GPC6: variants seen among roughly 807,000 people sequenced by gnomAD.
GPC6 encodes glypican-6.
GPC6 carries 14 observed loss-of-function variants against 55.2 expected under a neutral mutation model. That is an observed-to-expected ratio of 0.25 (90% confidence interval 0.17 to 0.40). GPC6 has a LOEUF of 0.40. Among genes scored for constraint, GPC6 ranks in the 10% least tolerant of loss-of-function variants. The pLI is 1.00. For missense variants in GPC6, 641 were observed against 708.5 expected, an observed-to-expected ratio of 0.90 and a Z score of 1.08; for synonymous variants, 278 against 259.6, an observed-to-expected ratio of 1.07 and a Z score of -0.68.
In GPC6 at chr13:93,786,570, A is replaced by G. The variant is rs550868265; in HGVS notation, c.320-43584A>G. On this transcript the variant is annotated intron_variant, in intron 2 of 8. Coordinates refer to ENST00000377047, the MANE Select transcript of GPC6 (RefSeq NM_005708.5). Reference sequence around the variant, plus strand: ...TATACATGGCCAGCCAGTCAGCTGTAAAATTTCCAGTTGAAAAAAAAAAAA... The same window carrying G: ...TATACATGGCCAGCCAGTCAGCTGTGAAATTTCCAGTTGAAAAAAAAAAAA... Among the ~76,000 whole-genome samples the G allele has an allele frequency of 7.9e-5, 12 of 152,228 alleles. No homozygotes were observed. In the South Asian group the frequency reaches 1.0e-3, roughly 13 times the overall value.
intron 1 of GPC6, among the ~76,000 whole-genome samples, chr13:93,527,190 T>C (rs1881684057): frequency 6.6e-6 from 1 of 152,134 alleles, no homozygotes; most frequent in African/African-American, 2.4e-5. Flanking sequence ...AATTAACATA[T>C]CCATCACCTA....
intron 1 of GPC6, among the ~76,000 whole-genome samples, chr13:93,392,803 C>T (rs117169705): frequency 4.7e-4 from 71 of 152,220 alleles, no homozygotes; most frequent in Non-Finnish European, 9.0e-4. Flanking sequence ...AGTTATTTTA[C>T]ACCCACATCC....
chr13:93,725,166 C>A (rs1883591232), intron 2 of GPC6, among the ~76,000 whole-genome samples: 1 of 151,938 alleles, frequency 6.6e-6, no homozygotes, highest in African/African-American at 2.4e-5. Flanking sequence ...TTTCAAATAT[C>A]CTTAAAACTT....
chr13:94,181,496 A>G (rs140006269), intron 4 of GPC6, among the ~76,000 whole-genome samples: 7 of 152,336 alleles, frequency 4.6e-5, no homozygotes, highest in Non-Finnish European at 1.0e-4. Flanking sequence ...AGAATCAAAT[A>G]TTTAGAGCTA....
chr13:93,641,105 T>C (rs1394958000), intron 2 of GPC6, among the ~76,000 whole-genome samples: 1 of 152,016 alleles, frequency 6.6e-6, no homozygotes. Flanking sequence ...CCTTATATTT[T>C]ATACATACTT....
chr13:93,953,286 T>C (rs1011136703), intron 3 of GPC6, among the ~76,000 whole-genome samples: 1 of 152,130 alleles, frequency 6.6e-6, no homozygotes, highest in Non-Finnish European at 1.5e-5. Context: ...TTAAACTCCT[T>C]CTTTGTATGT....
At chr13:94,351,480 C>T (rs1055760283) in intron 6 of GPC6, among the ~76,000 whole-genome samples, 3 of 152,042 alleles carry the variant, frequency 2.0e-5, no homozygotes, top group African/African-American at 7.3e-5. Context: ...ACTTGAATAA[C>T]GGAGGCCTCC....
chr13:93,926,571 G>A (rs1877869405), intron 3 of GPC6, among the ~76,000 whole-genome samples: 2 of 152,160 alleles, frequency 1.3e-5, no homozygotes, highest in South Asian at 4.1e-4. Context: ...TTGCACCAGG[G>A]AAGGCTGCTG....
intron 2 of GPC6, among the ~76,000 whole-genome samples, chr13:93,569,403 T>C: frequency 6.6e-6 from 1 of 152,144 alleles, no homozygotes; most frequent in East Asian, 1.9e-4. Context: ...TTAATACATA[T>C]AAAGGAATTC....
intron 1 of GPC6, among the ~76,000 whole-genome samples, chr13:93,408,394 A>G (rs181397235): frequency 5.9e-5 from 9 of 152,280 alleles, no homozygotes; most frequent in Middle Eastern, 3.4e-3. Flanking sequence ...AAGAAGTCCC[A>G]TGTGGGTGTT....
chr13:93,358,328 A>G (rs1880924561), intron 1 of GPC6, among the ~76,000 whole-genome samples: 1 of 152,188 alleles, frequency 6.6e-6, no homozygotes, highest in Admixed American at 6.5e-5. Context: ...CGACAGAGTA[A>G]GACCTTGTCT....
chr13:93,535,396 G>A (rs376186417), intron 1 of GPC6, among the ~76,000 whole-genome samples: 2 of 152,218 alleles, frequency 1.3e-5, no homozygotes, highest in African/African-American at 4.8e-5. Flanking sequence ...TCTTCATACA[G>A]CAAAGTAGCT....
Position 93,821,784 on chromosome 13 carries a change from C to T in GPC6, c.320-8370C>T, listed in dbSNP as rs1272487395. On this transcript the variant is annotated intron_variant, in intron 2 of 8. Transcript: ENST00000377047. The stretch of plus-strand genomic sequence containing the variant: ...TTGAGATTGCTGAACAAAGTCAGGG[C>T]CCCCCTGTCTGTGAGTCTCCTTGGT... 2.0e-5 allele frequency among the ~76,000 whole-genome samples: 3 copies of T among 152,022 alleles called. No homozygotes were observed. In the East Asian group the frequency reaches 5.8e-4, roughly 29 times the overall value.
rs1478384992 is a variant in GPC6, at chr13:93,676,127, ATATATATATATATATATAT to A, written c.319+130707_319+130725del. ...CTACTAAAAAAAAAAAAAAAAAAAA[ATATATATATATATATATAT>A]ATATATATATATATATATATATACA... On this transcript the variant is annotated intron_variant, in intron 2 of 8. Transcript: ENST00000377047. Among the ~76,000 whole-genome samples the A allele has an allele frequency of 6.5e-3, 69 of 10,672 alleles. 3 individuals are homozygous for A. The highest frequency in any genetic ancestry group is 0.012 in the African/African-American group (66 of 5,328). The allele number at this position is 10,672 out of a possible 152,430, so 7.0% of individuals were successfully genotyped here.
At position 93,994,766 on chromosome 13, in the gene GPC6, C is replaced by T. The variant is rs1011383191; in HGVS notation, c.712-32963C>T. Among the ~76,000 whole-genome samples, 8 of 152,252 alleles carry T rather than the reference C, an allele frequency of 5.3e-5. No homozygotes were observed. The South Asian group carries it at 6.2e-4, about 12-fold the overall frequency. ...TTTTGTTTCCCTAATCTGTGCTACA[C>T]GTTCATAGTTTTGGTACAATATCCA... On this transcript the variant is annotated intron_variant, in intron 3 of 8. Transcript: ENST00000377047.
At chr13:93,972,511 AC>A (rs898264529) in intron 3 of GPC6, among the ~76,000 whole-genome samples, 2 of 152,052 alleles carry the variant, frequency 1.3e-5, no homozygotes, top group Non-Finnish European at 2.9e-5. Flanking sequence ...CCCCACTCCC[AC>A]CATGTAGACT....
chr13:94,125,006 T>TA lies in GPC6; in HGVS notation c.877+97113dup, dbSNP rs1354886419. Among the ~76,000 whole-genome samples the TA allele has an allele frequency of 2.6e-5, 4 of 152,086 alleles. No individual in the cohort carries two copies. The East Asian group carries it at 7.7e-4, about 29-fold the overall frequency. On this transcript the variant is annotated intron_variant, in intron 4 of 8. Coordinates refer to ENST00000377047, the MANE Select transcript of GPC6 (RefSeq NM_005708.5). ...GAAAAGGTAAAAAATAATTTTTTTT[T>TA]ACCAAGCCATTCATAAATTAGGAAA...
intron 2 of GPC6, among the ~76,000 whole-genome samples, chr13:93,653,187 C>T (rs1358643767): frequency 6.6e-6 from 1 of 152,146 alleles, no homozygotes; most frequent in Non-Finnish European, 1.5e-5. Flanking sequence ...CTCCCTTGGG[C>T]ACCACTGGCT....
In GPC6 at chr13:93,233,463, T is replaced by C. The variant is rs575395665; in HGVS notation, c.160+5847T>C. On this transcript the variant is annotated intron_variant, in intron 1 of 8. Transcript: ENST00000377047. ...TTTTTCTTCATGCAATGAGTATTTATTGTATACCTACTATGGGTAAGTCAT... is the reference window on the plus strand; with the variant it reads ...TTTTTCTTCATGCAATGAGTATTTACTGTATACCTACTATGGGTAAGTCAT... Among the ~76,000 whole-genome samples, 3 of 152,312 alleles carry C rather than the reference T, an allele frequency of 2.0e-5. No individual in the cohort carries two copies. The South Asian group carries it at 6.2e-4, about 32-fold the overall frequency.
Sources: allele counts gnomAD v4.1 joint callset (sites outside exome capture counted in the v4.1 genomes callset), GRCh38; gene constraint gnomAD v4.1.1; transcripts MANE v1.5; gene names NCBI Gene and HGNC (gene_info 2026-07-23, HGNC 2026-07-21).